DYNC1LI1: variants seen among roughly 807,000 people sequenced by gnomAD.
DYNC1LI1 encodes dynein cytoplasmic 1 light intermediate chain 1.
In DYNC1LI1, 19 loss-of-function variants were observed where a neutral mutation model predicts 63.8. The ratio of observed to expected loss-of-function variants is 0.30; its 90% CI spans 0.21 to 0.44. The LOEUF is 0.44. Ranked by LOEUF, DYNC1LI1 falls within the 20% of genes least tolerant of loss-of-function variation. The pLI, the probability that DYNC1LI1 is intolerant of heterozygous loss-of-function variation, is 1.00. For missense variants in DYNC1LI1, 565 were observed against 630.2 expected, an observed-to-expected ratio of 0.90 and a Z score of 1.11; for synonymous variants, 225 against 232.3, an observed-to-expected ratio of 0.97 and a Z score of 0.28.
intron 2 of DYNC1LI1, among the ~76,000 whole-genome samples, chr3:32,546,948 A>AAACTAGGCT (rs1441096076): frequency 1.3e-5 from 2 of 152,186 alleles, no homozygotes; most frequent in Non-Finnish European, 2.9e-5. Flanking sequence ...AAAAGGTTTA[A>AAACTAGGCT]AACTAGGCTA....
intron 2 of DYNC1LI1, among the ~76,000 whole-genome samples, chr3:32,557,639 T>A (rs1272526215): frequency 6.6e-6 from 1 of 152,186 alleles, no homozygotes; most frequent in Non-Finnish European, 1.5e-5. Flanking sequence ...TAAGTTATTG[T>A]TTGGAAAACA....
At chr3:32,570,531 G>C in intron 1 of DYNC1LI1, 94 bp downstream of exon 1, 2 of 1,490,222 alleles carry the variant, frequency 1.3e-6, no homozygotes, top group Non-Finnish European at 1.8e-6. Context: ...CAGTGGCCGG[G>C]CCCGGCGCCG....
chr3:32,536,222 C>T (rs368133767), intron 6 of DYNC1LI1, among the ~76,000 whole-genome samples: 5 of 152,158 alleles, frequency 3.3e-5, no homozygotes, highest in African/African-American at 7.2e-5. Flanking sequence ...ACACCATAAA[C>T]GTGTGTATTA....
chr3:32,535,251 T>C (rs1246374729), intron 6 of DYNC1LI1, among the ~76,000 whole-genome samples: 2 of 152,194 alleles, frequency 1.3e-5, no homozygotes, highest in Non-Finnish European at 2.9e-5. Context: ...CACATCAAGA[T>C]GTATTAAAGC....
At chr3:32,530,923 T>C (rs1697687554) in intron 8 of DYNC1LI1, 1 of 157,406 alleles carries the variant, frequency 6.4e-6, no homozygotes, top group African/African-American at 2.4e-5. Flanking sequence ...TAAAATTTGC[T>C]AAACAGCAGT....
intron 2 of DYNC1LI1, among the ~76,000 whole-genome samples, chr3:32,565,902 C>G (rs114792376): frequency 6.6e-6 from 1 of 152,168 alleles, no homozygotes; most frequent in African/African-American, 2.4e-5. Flanking sequence ...GCCATGGGGC[C>G]GGCCTCAGGC....
At chr3:32,559,016 G>A (rs1158146436) in intron 2 of DYNC1LI1, among the ~76,000 whole-genome samples, 1 of 151,484 alleles carries the variant, frequency 6.6e-6, no homozygotes, top group Non-Finnish European at 1.5e-5. Context: ...TCTCTATAGT[G>A]ATGGATTTAA....
At chr3:32,547,113 C>T (rs900397519) in intron 2 of DYNC1LI1, among the ~76,000 whole-genome samples, 3 of 151,940 alleles carry the variant, frequency 2.0e-5, no homozygotes, top group East Asian at 1.9e-4. Context: ...CACAGTGGCG[C>T]GCATCTGTAA....
In DYNC1LI1 at chr3:32,544,876, A is replaced by G. The variant is rs747731430; in HGVS notation, c.568T>C (p.Leu190=). Residue 190 remains leucine (L), a splice_region_variant and synonymous_variant, in exon 4 of 13, where the codon TTG becomes CTG. Transcript: ENST00000273130. ...ACATTACTGTTTCTAGATTACTTACACTTTTGTTCCATTTGTTTCATTTCT... is the reference window on the plus strand; with the variant it reads ...ACATTACTGTTTCTAGATTACTTACGCTTTTGTTCCATTTGTTTCATTTCT... ...PEEMKQMEQK[L]IRDFQEYVEP... The G allele has an allele frequency of 6.3e-7, 1 of 1,596,552 alleles. No homozygotes were observed. Among genetic ancestry groups the G allele is most frequent in the South Asian group, 1.1e-5 (1 of 90,700 alleles).
intron 5 of DYNC1LI1, among the ~76,000 whole-genome samples, chr3:32,540,369 T>C (rs557675842): frequency 1.3e-5 from 2 of 152,044 alleles, no homozygotes; most frequent in Admixed American, 6.6e-5. Flanking sequence ...TCCTCTGATA[T>C]TAGAGAATAT....
In DYNC1LI1 at chr3:32,530,272, T is replaced by G. The variant is rs773941494; in HGVS notation, c.1185+12A>C. On this transcript the variant is annotated intron_variant, in intron 10 of 12. Coordinates refer to ENST00000273130, the MANE Select transcript of DYNC1LI1 (RefSeq NM_016141.4). ...GCATTTTAATCATTTTGTCAAAATT[T>G]GTAATACTGACCACAGGCCTTCCAG... The G allele has an allele frequency of 4.4e-6, 7 of 1,594,462 alleles. No homozygotes were observed. Among genetic ancestry groups the G allele is most frequent in the East Asian group, 4.5e-5 (2 of 44,768 alleles).
At chr3:32,562,249 C>A (rs1698203910) in intron 2 of DYNC1LI1, among the ~76,000 whole-genome samples, 1 of 152,274 alleles carries the variant, frequency 6.6e-6, no homozygotes, top group South Asian at 2.1e-4. Flanking sequence ...GGGAACAGAG[C>A]AAGACTTTCT....
rs763899177 is a variant in DYNC1LI1, at chr3:32,528,501, A to G, written c.1407T>C (p.Pro469=). The change falls in exon 12 of 13, where the codon CCT becomes CCC. Residue 469 remains proline (P), a synonymous_variant. Transcript: ENST00000273130. ...PGGPGVSGGS[P]AGGAGGGSSG... ...TGCTTCCACCTCCAGCCCCACCTGC[A>G]GGGCTACCACCACTCACACCAGGGC... 1.9e-6 allele frequency: 3 copies of G among 1,614,184 alleles called. No individual in the cohort carries two copies. The highest frequency in any genetic ancestry group is 2.5e-6 in the Non-Finnish European group (3 of 1,180,006).
intron 2 of DYNC1LI1, chr3:32,570,074 G>A: frequency 1.7e-6 from 1 of 580,466 alleles, no homozygotes; most frequent in South Asian, 1.9e-5. Flanking sequence ...ATGAGCGATC[G>A]AATTCTGTCC....
intron 6 of DYNC1LI1, among the ~76,000 whole-genome samples, chr3:32,536,397 A>G (rs978416301): frequency 6.6e-6 from 1 of 152,086 alleles, no homozygotes; most frequent in Non-Finnish European, 1.5e-5. Context: ...TCTAAAAAGT[A>G]CTCACTTTTA....
At chr3:32,558,641 T>C (rs1173151348) in intron 2 of DYNC1LI1, among the ~76,000 whole-genome samples, 2 of 151,594 alleles carry the variant, frequency 1.3e-5, no homozygotes. Context: ...AGGTTGGGAG[T>C]TCGAGATCAG....
intron 2 of DYNC1LI1, 153 bp downstream of exon 2, chr3:32,570,193 T>C (rs750818994): frequency 4.0e-6 from 3 of 745,004 alleles, no homozygotes; most frequent in Non-Finnish European, 7.1e-6. Context: ...CGTGTTCCCC[T>C]TCTCTCCCAG....
intron 2 of DYNC1LI1, among the ~76,000 whole-genome samples, chr3:32,548,195 A>C (rs1697984252): frequency 6.6e-6 from 1 of 152,090 alleles, no homozygotes; most frequent in Admixed American, 6.6e-5. Flanking sequence ...GAACGAGGCC[A>C]CACAGCAGGA....
intron 8 of DYNC1LI1, chr3:32,531,695 C>A (rs1021218091): frequency 3.9e-5 from 6 of 152,066 alleles, no homozygotes; most frequent in Admixed American, 2.6e-4. Flanking sequence ...CTAATAATAA[C>A]CCACAAACAG....
Sources: allele counts gnomAD v4.1 joint callset (sites outside exome capture counted in the v4.1 genomes callset), GRCh38; gene constraint gnomAD v4.1.1; transcripts MANE v1.5; gene names NCBI Gene and HGNC (gene_info 2026-07-23, HGNC 2026-07-21).